The following ZC3H11A variants were observed in gnomAD, a reference collection of about 807,000 sequenced individuals.
The protein encoded by ZC3H11A is zinc finger CCCH domain-containing protein 11A.
In ZC3H11A, 22 loss-of-function variants were observed where a neutral mutation model predicts 90.8. The ratio of observed to expected loss-of-function variants is 0.24; its 90% CI spans 0.17 to 0.35. The LOEUF (loss-of-function observed/expected upper bound fraction) is 0.35. Ranked by LOEUF, ZC3H11A falls within the 10% of genes least tolerant of loss-of-function variation. The probability of loss-of-function intolerance (pLI) is 1.00; values close to 1 mark genes in which losing one functional copy is unlikely to be tolerated. For synonymous variants in ZC3H11A, 294 were observed against 339.8 expected (o/e 0.87, Z 1.48); for missense variants, 701 against 964.9 (o/e 0.73, Z 3.62).
chr1:203,805,097 T>G (rs1304932586), intron 2 of ZC3H11A, among the ~76,000 whole-genome samples: 1 of 152,078 alleles, frequency 6.6e-6, no homozygotes, highest in Non-Finnish European at 1.5e-5. Context: ...AGATGTAGTA[T>G]TAAGGAAACC....
chr1:203,805,530 A>G, intron 2 of ZC3H11A: 2 of 531,716 alleles, frequency 3.8e-6, no homozygotes, highest in South Asian at 3.0e-5. Context: ...CAAAGAAAGG[A>G]CAGAAACGTA....
At chr1:203,812,891 C>T (rs936154997) in intron 2 of ZC3H11A, among the ~76,000 whole-genome samples, 2 of 152,040 alleles carry the variant, frequency 1.3e-5, no homozygotes, top group African/African-American at 2.4e-5. Flanking sequence ...TGGATTTTAG[C>T]CATTAGAAAA....
intron 10 of ZC3H11A, among the ~76,000 whole-genome samples, chr1:203,834,923 C>T (rs1484049485): frequency 6.6e-6 from 1 of 152,226 alleles, no homozygotes; most frequent in Non-Finnish European, 1.5e-5. Flanking sequence ...GGATTATAGG[C>T]ATGAGCCACT....
intron 14 of ZC3H11A, among the ~76,000 whole-genome samples, chr1:203,849,161 A>G (rs1343071599): frequency 6.6e-6 from 1 of 152,180 alleles, no homozygotes; most frequent in Non-Finnish European, 1.5e-5. Flanking sequence ...TTGGGATTAC[A>G]TGTGTGAGCC....
chr1:203,810,483 G>A (rs1237489755), intron 2 of ZC3H11A, among the ~76,000 whole-genome samples: 1 of 149,374 alleles, frequency 6.7e-6, no homozygotes, highest in East Asian at 2.0e-4. Context: ...GCAGTGGCGC[G>A]ATCTCAGCTC....
rs1558092011 is a variant in ZC3H11A at position 203,802,666 on chromosome 1, GT to G, written c.-488del. The G allele has an allele frequency of 1.3e-5, 2 of 149,278 alleles. No homozygotes were observed. The highest frequency in any genetic ancestry group is 5.0e-5 in the African/African-American group (2 of 40,282). The allele number at this position is 149,278 out of a possible 1,614,324, so 9.2% of individuals were successfully genotyped here. On this transcript the variant is annotated 5_prime_UTR_variant, in exon 2 of 18. It introduces an in-frame stop codon into an upstream open reading frame of the 5' UTR. Transcript: ENST00000367210. ...ATATTGTTCAGCTATGGAAGATGGA[GT>G]TTTTTTTCATGATCCTTTAACTCTC...
At chr1:203,841,142 CTTT>C (rs1303978527) in intron 12 of ZC3H11A, among the ~76,000 whole-genome samples, 1 of 129,806 alleles carries the variant, frequency 7.7e-6, no homozygotes, top group African/African-American at 2.9e-5. Flanking sequence ...ACATAAGAAT[CTTT>C]TTTTTTTTTT....
chr1:203,848,117 C>T (rs550919966), intron 13 of ZC3H11A, among the ~76,000 whole-genome samples: 1 of 152,262 alleles, frequency 6.6e-6, no homozygotes, highest in African/African-American at 2.4e-5. Flanking sequence ...TTCAGTCTCC[C>T]AAAGTGCTGG....
At chr1:203,850,450 T>G (rs1688989963) in intron 15 of ZC3H11A, 65 bp from the exon 16 acceptor site, 2 of 1,584,844 alleles carry the variant, frequency 1.3e-6, no homozygotes, top group African/African-American at 2.7e-5. Context: ...TATTTTATTC[T>G]GAATTATTCC....
chr1:203,843,704 A>G (rs952492148), intron 12 of ZC3H11A, among the ~76,000 whole-genome samples: 1 of 152,232 alleles, frequency 6.6e-6, no homozygotes, highest in Non-Finnish European at 1.5e-5. Flanking sequence ...TGGGCTATAT[A>G]TAGTTTGCCT....
At chr1:203,838,309 T>C (rs916412232) in intron 11 of ZC3H11A, among the ~76,000 whole-genome samples, 1 of 152,166 alleles carries the variant, frequency 6.6e-6, no homozygotes, top group African/African-American at 2.4e-5. Flanking sequence ...TACTTATAAA[T>C]GCGATAAATT....
At chr1:203,822,414 A>G (rs1346470311) in intron 4 of ZC3H11A, among the ~76,000 whole-genome samples, 2 of 151,746 alleles carry the variant, frequency 1.3e-5, no homozygotes, top group East Asian at 1.9e-4. Context: ...TTGGACCCCA[A>G]CATCCTACTT....
chr1:203,812,069 G>A (rs1397582655), intron 2 of ZC3H11A, among the ~76,000 whole-genome samples: 11 of 152,134 alleles, frequency 7.2e-5, no homozygotes, highest in Middle Eastern at 3.4e-3. Flanking sequence ...CACCCACCTC[G>A]GCCTCCCAAA....
At chr1:203,840,950 G>C (rs1652970753) in intron 12 of ZC3H11A, among the ~76,000 whole-genome samples, 3 of 152,122 alleles carry the variant, frequency 2.0e-5, no homozygotes, top group Middle Eastern at 3.4e-3. Context: ...TAGGAAATTA[G>C]AAACAACTTA....
intron 2 of ZC3H11A, among the ~76,000 whole-genome samples, chr1:203,812,763 G>A (rs189784204): frequency 6.6e-6 from 1 of 151,822 alleles, no homozygotes; most frequent in Admixed American, 6.6e-5. Context: ...TGTATTTTTA[G>A]TAGAGATGGG....
intron 2 of ZC3H11A, chr1:203,805,630 G>T (rs1423098354): frequency 4.4e-6 from 3 of 689,522 alleles, no homozygotes; most frequent in Middle Eastern, 4.6e-4. Context: ...ATGAAGCAGG[G>T]ATCTGTGGCA....
chr1:203,820,500 CAG>C (rs1350568748), intron 4 of ZC3H11A, among the ~76,000 whole-genome samples: 7 of 113,282 alleles, frequency 6.2e-5, no homozygotes, highest in Admixed American at 6.1e-4. Flanking sequence ...TGAGTTGAGA[CAG>C]AGTCTCGCGC....
chr1:203,823,330 T>C (rs1353023053), intron 4 of ZC3H11A, among the ~76,000 whole-genome samples: 1 of 152,236 alleles, frequency 6.6e-6, no homozygotes, highest in Non-Finnish European at 1.5e-5. Flanking sequence ...CAGAGCACAC[T>C]CTTTTCCTAG....
At chr1:203,830,899 T>C (rs938112486) in intron 8 of ZC3H11A, among the ~76,000 whole-genome samples, 4 of 149,020 alleles carry the variant, frequency 2.7e-5, no homozygotes, top group Non-Finnish European at 5.9e-5. Flanking sequence ...TACGTCAGCC[T>C]GATTGCTCTG....
Sources: allele counts gnomAD v4.1 joint callset (sites outside exome capture counted in the v4.1 genomes callset), GRCh38; gene constraint gnomAD v4.1.1; transcripts MANE v1.5; gene names NCBI Gene and HGNC (gene_info 2026-07-23, HGNC 2026-07-21).